Variants in ATP2B2 observed in about 807,000 individuals in gnomAD.
ATP2B2 encodes the protein ATPase plasma membrane Ca2+ transporting 2.
In ATP2B2, 15 loss-of-function variants were observed where a neutral mutation model predicts 120.0. The observed-to-expected ratio is 0.12, with a 90% CI of 0.08 to 0.19. ATP2B2 has a LOEUF of 0.19. Ranked by LOEUF, ATP2B2 falls within the 10% of genes least tolerant of loss-of-function variation. ATP2B2 has a pLI of 1.00. For synonymous variants in ATP2B2, 694 were observed against 700.3 expected (o/e 0.99, Z 0.14); for missense variants, 1,045 against 1,719.8 (o/e 0.61, Z 6.94).
At chr3:10,404,347 T>C (rs941319168) in intron 3 of ATP2B2, among the ~76,000 whole-genome samples, 7 of 152,238 alleles carry the variant, frequency 4.6e-5, no homozygotes, top group Non-Finnish European at 1.0e-4. Flanking sequence ...GGAGTAATGG[T>C]AATCATAGCT....
At chr3:10,610,194 A>T (rs2069194704) in intron 2 of ATP2B2, among the ~76,000 whole-genome samples, 2 of 150,168 alleles carry the variant, frequency 1.3e-5, no homozygotes, top group South Asian at 2.1e-4. Flanking sequence ...TGTGTGTAAA[A>T]TTTTTTTTTA....
intron 1 of ATP2B2, among the ~76,000 whole-genome samples, chr3:10,500,428 C>T (rs9861197): frequency 0.48 from 72,395 of 151,778 alleles, 17,558 homozygotes; most frequent in South Asian, 0.59. Context: ...AGAATGTGAC[C>T]TTGTTTGGAA....
intron 2 of ATP2B2, among the ~76,000 whole-genome samples, chr3:10,535,482 T>C (rs2125483895): frequency 6.6e-6 from 1 of 152,278 alleles, no homozygotes; most frequent in South Asian, 2.1e-4. Context: ...GATGTAGAAC[T>C]GTTCCATCCC....
At chr3:10,545,004 A>G (rs1335607595) in intron 2 of ATP2B2, among the ~76,000 whole-genome samples, 1 of 152,194 alleles carries the variant, frequency 6.6e-6, no homozygotes, top group Non-Finnish European at 1.5e-5. Context: ...CAGAGAATGA[A>G]CCAATAAACT....
chr3:10,448,151 G>C (rs1167779924), intron 2 of ATP2B2, among the ~76,000 whole-genome samples: 2 of 152,216 alleles, frequency 1.3e-5, no homozygotes, highest in African/African-American at 4.8e-5. Context: ...CTCCTTTTCT[G>C]TCATGAAGGA....
At chr3:10,350,928 G>C (rs1195295749) in intron 14 of ATP2B2, among the ~76,000 whole-genome samples, 1 of 152,152 alleles carries the variant, frequency 6.6e-6, no homozygotes, top group Admixed American at 6.5e-5. Context: ...CGCCTCCTCA[G>C]ATCTGGCCCC....
At chr3:10,448,527 G>A (rs867708956) in intron 2 of ATP2B2, among the ~76,000 whole-genome samples, 2 of 152,272 alleles carry the variant, frequency 1.3e-5, no homozygotes, top group Middle Eastern at 3.4e-3. Context: ...CTGTTTTGAG[G>A]CAGAGGACCC....
At chr3:10,539,338 C>T (rs775994902) in intron 2 of ATP2B2, among the ~76,000 whole-genome samples, 4 of 152,208 alleles carry the variant, frequency 2.6e-5, no homozygotes, top group Non-Finnish European at 5.9e-5. Context: ...CATCAAGCTA[C>T]CAATGACTTT....
At position 10,527,203 on chromosome 3, in the gene ATP2B2, A is replaced by G. The variant is rs2067114423; in HGVS notation, c.-320+6836T>C. ...CTTGCTGCCTCTGAGGGCGGCTCCC[A>G]TGTTCAGGGAGGGAAAGGGGGCAGC... On this transcript the variant is annotated intron_variant, in intron 3 of 21. Coordinates refer to the ATP2B2 transcript ENST00000646379. 2.0e-5 allele frequency among the ~76,000 whole-genome samples: 3 copies of G among 152,218 alleles called. No individual in the cohort carries two copies. The South Asian group carries it at 6.2e-4, about 32-fold the overall frequency.
intron 2 of ATP2B2, among the ~76,000 whole-genome samples, chr3:10,592,298 C>T (rs2068662944): frequency 6.6e-6 from 1 of 152,204 alleles, no homozygotes; most frequent in African/African-American, 2.4e-5. Context: ...AGAGATTTGA[C>T]AAGATTTTTT....
chr3:10,591,400 A>G (rs888662760), intron 2 of ATP2B2, among the ~76,000 whole-genome samples: 4 of 152,146 alleles, frequency 2.6e-5, no homozygotes, highest in Non-Finnish European at 4.4e-5. Context: ...TCAGGTTCAA[A>G]CACACTAGCT....
chr3:10,693,529 T>C (rs969567277), intron 1 of ATP2B2, among the ~76,000 whole-genome samples: 2 of 152,258 alleles, frequency 1.3e-5, no homozygotes, highest in Admixed American at 1.3e-4. Context: ...GCTTCCTTCA[T>C]TTGACTGTGG....
intron 1 of ATP2B2, among the ~76,000 whole-genome samples, chr3:10,629,807 C>G (rs1256025143): frequency 6.6e-6 from 1 of 152,242 alleles, no homozygotes; most frequent in African/African-American, 2.4e-5. Flanking sequence ...CTATATTAAT[C>G]TCTGGCATAA....
At chr3:10,567,739 C>T (rs916590706) in intron 2 of ATP2B2, among the ~76,000 whole-genome samples, 1 of 152,094 alleles carries the variant, frequency 6.6e-6, no homozygotes, top group Non-Finnish European at 1.5e-5. Flanking sequence ...GGAATGTGTG[C>T]TTGGCTTGAG....
At chr3:10,455,567 C>T (rs975368314) in intron 1 of ATP2B2, among the ~76,000 whole-genome samples, 1 of 152,194 alleles carries the variant, frequency 6.6e-6, no homozygotes, top group Non-Finnish European at 1.5e-5. Flanking sequence ...TCCTTGAGTC[C>T]CCCCTGCTCC....
intron 9 of ATP2B2, 145 bp from the exon 10 acceptor site, chr3:10,378,555 G>A (rs2061441961): frequency 4.5e-6 from 5 of 1,116,652 alleles, no homozygotes; most frequent in Admixed American, 2.1e-5. Flanking sequence ...CATGGCTGGT[G>A]CAGAAGTCCT....
intron 1 of ATP2B2, among the ~76,000 whole-genome samples, chr3:10,459,337 G>T (rs1163170812): frequency 6.6e-6 from 1 of 152,266 alleles, no homozygotes; most frequent in African/African-American, 2.4e-5. Flanking sequence ...AAGATAGCCT[G>T]TTTGAGGCAG....
intron 1 of ATP2B2, among the ~76,000 whole-genome samples, chr3:10,458,197 A>G (rs2064346238): frequency 6.6e-6 from 1 of 152,100 alleles, no homozygotes; most frequent in Non-Finnish European, 1.5e-5. Flanking sequence ...AAAACTAATG[A>G]GCTGCATCAC....
intron 1 of ATP2B2, among the ~76,000 whole-genome samples, chr3:10,482,598 C>T (rs1042870182): frequency 6.6e-6 from 1 of 152,184 alleles, no homozygotes; most frequent in Non-Finnish European, 1.5e-5. Context: ...TGGTGGCCAG[C>T]ACAGGTGGTC....
Sources: allele counts gnomAD v4.1 joint callset (sites outside exome capture counted in the v4.1 genomes callset), GRCh38; gene constraint gnomAD v4.1.1; transcripts MANE v1.5; gene names NCBI Gene and HGNC (gene_info 2026-07-23, HGNC 2026-07-21).